Variants in PDZD8 observed in about 807,000 individuals in gnomAD.
The protein encoded by PDZD8 is PDZ domain-containing protein 8.
Under a neutral mutation model 85.8 loss-of-function variants are expected in PDZD8, and 14 were observed. The observed-to-expected ratio is 0.16, with a 90% CI of 0.11 to 0.26. The LOEUF (loss-of-function observed/expected upper bound fraction) is 0.26. PDZD8 is among the 10% of genes least tolerant of loss of function. The pLI is 1.00. For missense variants in PDZD8, 1,197 were observed against 1,424.3 expected (o/e 0.84, Z 2.57); for synonymous variants, 592 against 568.6 (o/e 1.04, Z -0.59).
chr10:117,370,181 T>G (rs1845164130), intron 1 of PDZD8, among the ~76,000 whole-genome samples: 1 of 152,236 alleles, frequency 6.6e-6, no homozygotes, highest in Admixed American at 6.5e-5. Flanking sequence ...ATGAAATTCC[T>G]AACTTGAATA....
At chr10:117,285,533 T>A in intron 4 of PDZD8, 62 bp from the exon 5 acceptor site, 9 of 1,315,340 alleles carry the variant, frequency 6.8e-6, no homozygotes, top group African/African-American at 1.5e-5. Context: ...ACTACATTTG[T>A]TAAATGTATT....
chr10:117,363,506 G>A (rs1422810797), intron 1 of PDZD8, among the ~76,000 whole-genome samples: 1 of 152,084 alleles, frequency 6.6e-6, no homozygotes, highest in Non-Finnish European at 1.5e-5. Context: ...GATTATACAG[G>A]TAGGATATTA....
At chr10:117,317,566 A>G (rs1336676276) in intron 3 of PDZD8, among the ~76,000 whole-genome samples, 1 of 152,328 alleles carries the variant, frequency 6.6e-6, no homozygotes, top group South Asian at 2.1e-4. Flanking sequence ...GTCTAATCTC[A>G]TATCTTTGCA....
rs181108170 is a variant in PDZD8, at chr10:117,355,698, G to C, written c.873-14596C>G. On this transcript the variant is annotated intron_variant, in intron 1 of 4. Transcript: ENST00000334464. ...TGCATTGAATAATGAAAAGCACTTA[G>C]TACCATGCCAGCAAACACTCAATAG... Among the ~76,000 whole-genome samples the C allele has an allele frequency of 3.3e-5, 5 of 152,254 alleles. No homozygotes were observed. In the East Asian group the frequency reaches 9.7e-4, roughly 29 times the overall value.
At chr10:117,332,392 A>G (rs1844432898) in intron 2 of PDZD8, among the ~76,000 whole-genome samples, 1 of 151,964 alleles carries the variant, frequency 6.6e-6, no homozygotes, top group African/African-American at 2.4e-5. Flanking sequence ...AAGGTAATTT[A>G]TTTTAAAAAT....
At chr10:117,329,359 T>C (rs1343411983) in intron 2 of PDZD8, among the ~76,000 whole-genome samples, 1 of 152,220 alleles carries the variant, frequency 6.6e-6, no homozygotes, top group Non-Finnish European at 1.5e-5. Flanking sequence ...TTCAAAGTAT[T>C]CTTTTAAAGG....
chr10:117,307,820 T>C (rs752814800), intron 3 of PDZD8, among the ~76,000 whole-genome samples: 9 of 152,038 alleles, frequency 5.9e-5, no homozygotes, highest in Non-Finnish European at 1.0e-4. Flanking sequence ...ACGAATTAAG[T>C]GTTGCTGTTT....
chr10:117,330,868 ATACTT>A (rs1351590404), intron 2 of PDZD8, among the ~76,000 whole-genome samples: 1 of 152,346 alleles, frequency 6.6e-6, no homozygotes, highest in East Asian at 1.9e-4. Flanking sequence ...GACCTGGAAA[ATACTT>A]TACAATTCTA....
chr10:117,297,128 C>T (rs964713818), intron 3 of PDZD8, among the ~76,000 whole-genome samples: 1 of 152,046 alleles, frequency 6.6e-6, no homozygotes, highest in Non-Finnish European at 1.5e-5. Flanking sequence ...TGAACAGATA[C>T]TTCACAAAAG....
Position 117,374,475 on chromosome 10 carries a change from G to C in PDZD8, c.753C>G (p.Ile251Met), listed in dbSNP as rs754168653. 14 of 1,613,952 alleles carry C rather than the reference G, an allele frequency of 8.7e-6. No individual in the cohort carries two copies. Among genetic ancestry groups the C allele is most frequent in the African/African-American group, 1.3e-5 (1 of 74,950 alleles). ...WFFSFVEDPLIDFEVRSQFEG... is the reference protein window; with the variant it reads ...WFFSFVEDPLMDFEVRSQFEG... Reference sequence around the variant, plus strand: ...CAAACTGGGAGCGCACCTCGAAGTCGATCAGCGGGTCTTCCACGAAGGAGA... The same window carrying C: ...CAAACTGGGAGCGCACCTCGAAGTCCATCAGCGGGTCTTCCACGAAGGAGA... Residue 251 changes from isoleucine to methionine, a missense_variant, in exon 1 of 5, where the codon ATC (isoleucine) becomes ATG (methionine). Around this residue, in one of 4 missense-constraint regions of PDZD8, gnomAD observed 344 missense variants for 453.6 expected, o/e 0.76. Transcript: ENST00000334464. The surrounding 1 kb of genome is among the most constrained non-coding windows in gnomAD (Gnocchi z 7.8).
At chr10:117,309,765 T>C (rs1023471500) in intron 3 of PDZD8, among the ~76,000 whole-genome samples, 13 of 152,190 alleles carry the variant, frequency 8.5e-5, no homozygotes, top group Non-Finnish European at 1.9e-4. Flanking sequence ...AATACTGTGC[T>C]GGACATTTTA....
intron 2 of PDZD8, among the ~76,000 whole-genome samples, chr10:117,329,958 A>AGGGAGGAAG (rs1844386863): frequency 8.4e-6 from 1 of 119,224 alleles, no homozygotes; most frequent in Admixed American, 9.5e-5. Context: ...GAAAGGAAGG[A>AGGGAGGAAG]GGGAGGAAGG....
At chr10:117,356,085 C>G (rs1180348278) in intron 1 of PDZD8, among the ~76,000 whole-genome samples, 13 of 151,962 alleles carry the variant, frequency 8.6e-5, no homozygotes, top group Admixed American at 4.6e-4. Context: ...ATCTTTAAGT[C>G]ATTATAATGA....
rs147552293 is a variant in PDZD8, at chr10:117,293,379, A to G, written c.1099-3031T>C. Among the ~76,000 whole-genome samples, 1,504 of 152,202 alleles carry G rather than the reference A, an allele frequency of 9.9e-3. 12 individuals are homozygous for G. Among genetic ancestry groups the G allele is most frequent in the Middle Eastern group, 0.041 (12 of 294 alleles). On this transcript the variant is annotated intron_variant, in intron 3 of 4. Coordinates refer to ENST00000334464, the MANE Select transcript of PDZD8 (RefSeq NM_173791.5). ...CAATGTAAAAAACAAACATAAATAG[A>G]AACCCTAAATATTTTTCCTGTACAT...
chr10:117,339,128 C>CAAAAAAAAAAAAAAAA (rs71013660), intron 2 of PDZD8, among the ~76,000 whole-genome samples: 1 of 129,408 alleles, frequency 7.7e-6, no homozygotes, highest in African/African-American at 3.0e-5. Flanking sequence ...TGGACTTAAC[C>CAAAAAAAAAAAAAAAA]AAAAAAAAAA....
At chr10:117,362,115 A>G (rs1367788552) in intron 1 of PDZD8, among the ~76,000 whole-genome samples, 3 of 152,188 alleles carry the variant, frequency 2.0e-5, no homozygotes, top group Admixed American at 2.0e-4. Context: ...AACATCTTCT[A>G]AAGTACATAA....
At chr10:117,339,740 T>G (rs1844578570) in intron 2 of PDZD8, among the ~76,000 whole-genome samples, 1 of 152,208 alleles carries the variant, frequency 6.6e-6, no homozygotes, top group South Asian at 2.1e-4. Flanking sequence ...AGCATGTGAA[T>G]CACAGCCTAA....
Position 117,283,597 on chromosome 10 carries a change from C to T in PDZD8, c.3136G>A (p.Glu1046Lys), listed in dbSNP as rs1265351801. The T allele has an allele frequency of 6.2e-7, 1 of 1,614,024 alleles. No individual in the cohort carries two copies. Among genetic ancestry groups the T allele is most frequent in the Non-Finnish European group, 8.5e-7 (1 of 1,180,016 alleles). ...LEFMLDKLQN[E>K]IDQELEHNNS... ...TTGTGTTCCAACTCCTGATCAATTT[C>T]ATTCTGTAGCTTATCCAACATGAAC... The change falls in exon 5 of 5, where the codon GAA becomes AAA. Residue 1046 changes from glutamate (E) to lysine (K), a missense_variant. Coordinates refer to ENST00000334464, the MANE Select transcript of PDZD8 (RefSeq NM_173791.5).
At chr10:117,328,004 G>A (rs1289347025) in intron 2 of PDZD8, among the ~76,000 whole-genome samples, 3 of 152,032 alleles carry the variant, frequency 2.0e-5, no homozygotes, top group Non-Finnish European at 2.9e-5. Context: ...CTCCTACAAA[G>A]GTTAGCTTCA....
Sources: allele counts gnomAD v4.1 joint callset (sites outside exome capture counted in the v4.1 genomes callset), GRCh38; gene constraint gnomAD v4.1.1; regional missense constraint gnomAD v4.1.1; non-coding constraint Gnocchi (gnomAD v3.1); transcripts MANE v1.5; gene names NCBI Gene and HGNC (gene_info 2026-07-23, HGNC 2026-07-21).